The following SH2D4A variants were observed in gnomAD, a reference collection of about 807,000 sequenced individuals.
The protein encoded by SH2D4A is SH2 domain-containing protein 4A.
A neutral mutation model predicts 64.7 loss-of-function variants in SH2D4A; 70 were observed. The observed-to-expected ratio is 1.08, with a 90% CI of 0.89 to 1.32. The LOEUF (loss-of-function observed/expected upper bound fraction) is 1.32. Among genes scored for constraint, SH2D4A ranks in the 40% most tolerant of loss-of-function variants. SH2D4A has a pLI of 0.00. For synonymous variants in SH2D4A, 268 were observed against 200.7 expected, an observed-to-expected ratio of 1.34 and a Z score of -2.83; for missense variants, 706 against 540.1, an observed-to-expected ratio of 1.31 and a Z score of -3.04.
chr8:19,376,257 C>G (rs1800691822), intron 8 of SH2D4A, among the ~76,000 whole-genome samples: 6 of 152,158 alleles, frequency 3.9e-5, no homozygotes, highest in Non-Finnish European at 1.5e-5. Flanking sequence ...GTAGGAAGGC[C>G]TTCAACTGAC....
chr8:19,327,319 C>G (rs2052297690), intron 2 of SH2D4A, among the ~76,000 whole-genome samples: 1 of 152,186 alleles, frequency 6.6e-6, no homozygotes, highest in South Asian at 2.1e-4. Context: ...TCACTCACCT[C>G]TGATTAAAGA....
At chr8:19,347,450 G>C (rs1188197521) in intron 4 of SH2D4A, among the ~76,000 whole-genome samples, 1 of 152,218 alleles carries the variant, frequency 6.6e-6, no homozygotes, top group Non-Finnish European at 1.5e-5. Flanking sequence ...TCTGAATGCA[G>C]TGATGTCCCC....
chr8:19,355,559 T>G (rs77562305), intron 4 of SH2D4A, among the ~76,000 whole-genome samples: 5,646 of 152,330 alleles, frequency 0.037, 163 homozygotes, highest in South Asian at 0.1. Flanking sequence ...CATCTCATTT[T>G]CTTATCACTA....
intron 8 of SH2D4A, among the ~76,000 whole-genome samples, chr8:19,378,875 T>C (rs565357701): frequency 1.5e-4 from 20 of 136,060 alleles, no homozygotes; most frequent in Non-Finnish European, 2.8e-4. Flanking sequence ...GCAAATTCCA[T>C]CTCTACAAAA....
At position 19,395,886 on chromosome 8, in the gene SH2D4A, A is replaced by C. The variant is rs1361221225; in HGVS notation, c.*1244A>C. On this transcript the variant is annotated 3_prime_UTR_variant, in exon 10 of 10. Transcript: ENST00000265807. Reference sequence around the variant, plus strand: ...AATACAGTCGTTTATGTAATTACATAACCTGACACACAAGATCGACCCATT... The same window carrying C: ...AATACAGTCGTTTATGTAATTACATCACCTGACACACAAGATCGACCCATT... 1.3e-5 allele frequency: 2 copies of C among 152,188 alleles called. No individual in the cohort carries two copies. The highest frequency in any genetic ancestry group is 2.4e-5 in the African/African-American group (1 of 41,450). The allele number at this position is 152,188 out of a possible 1,614,324, so 9.4% of individuals were successfully genotyped here. A position where few individuals can be genotyped will look rare whatever the true frequency, so the allele number is the denominator to read the frequency against.
intron 5 of SH2D4A, among the ~76,000 whole-genome samples, chr8:19,358,755 C>A (rs1246063887): frequency 6.6e-6 from 1 of 152,170 alleles, no homozygotes. Context: ...GGTGGGGAGG[C>A]ATTCTAAGTG....
intron 8 of SH2D4A, among the ~76,000 whole-genome samples, chr8:19,384,000 G>T (rs2053342889): frequency 6.6e-6 from 1 of 152,174 alleles, no homozygotes; most frequent in South Asian, 2.1e-4. Flanking sequence ...GGTGGTGTTT[G>T]TTATTTTGGT....
At chr8:19,345,788 G>A (rs1308785307) in intron 4 of SH2D4A, among the ~76,000 whole-genome samples, 2 of 152,340 alleles carry the variant, frequency 1.3e-5, no homozygotes, top group East Asian at 1.9e-4. Flanking sequence ...TTATACCAGT[G>A]TAACCCAAGT....
chr8:19,372,844 CTT>C (rs796447159), intron 7 of SH2D4A, among the ~76,000 whole-genome samples: 6,197 of 140,894 alleles, frequency 0.044, 428 homozygotes, highest in African/African-American at 0.15. Flanking sequence ...TATTTCTTTA[CTT>C]TTTTTTTTTT....
chr8:19,351,203 G>A (rs144758433), intron 4 of SH2D4A, among the ~76,000 whole-genome samples: 1 of 152,182 alleles, frequency 6.6e-6, no homozygotes, highest in Non-Finnish European at 1.5e-5. Flanking sequence ...TAAAATTGCT[G>A]AGAAGAGGAT....
At chr8:19,342,436 G>C (rs926423116) in intron 4 of SH2D4A, among the ~76,000 whole-genome samples, 11 of 152,248 alleles carry the variant, frequency 7.2e-5, no homozygotes, top group African/African-American at 2.7e-4. Flanking sequence ...ATGGTAAGAG[G>C]ATAGCTGGGA....
intron 2 of SH2D4A, among the ~76,000 whole-genome samples, chr8:19,321,323 C>A (rs1057409066): frequency 2.6e-5 from 4 of 152,178 alleles, no homozygotes; most frequent in African/African-American, 9.7e-5. Flanking sequence ...AAGCAATTCT[C>A]CTGCCTCAGC....
rs1323334863 is a variant in SH2D4A, at chr8:19,364,276, C to T, written c.911C>T (p.Pro304Leu). Residue 304 changes from proline to leucine, a missense_variant, in exon 7 of 10, where the codon CCT (proline) becomes CTT (leucine). Pro to Leu is a moderately conservative substitution (Grantham distance 98). Transcript: ENST00000265807. ...FLNSGAYPQKPLRNQGVVRTL... is the reference protein window; with the variant it reads ...FLNSGAYPQKLLRNQGVVRTL... ...AACTCAGGGGCATATCCTCAAAAAC[C>T]TCTTAGGTAAGAAGCCACACAGATG... 1 of 1,614,092 alleles carries T rather than the reference C, an allele frequency of 6.2e-7. No individual in the cohort carries two copies. Among genetic ancestry groups the T allele is most frequent in the Non-Finnish European group, 8.5e-7 (1 of 1,179,970 alleles).
intron 7 of SH2D4A, among the ~76,000 whole-genome samples, chr8:19,364,598 C>A (rs759154696): frequency 1.3e-5 from 2 of 151,988 alleles, no homozygotes; most frequent in African/African-American, 2.4e-5. Context: ...CCCCTCCCCC[C>A]CAGAGGCAGC....
In SH2D4A at chr8:19,357,212, A is replaced by G. The variant is rs368993738; in HGVS notation, c.523A>G (p.Ser175Gly). 6.2e-7 allele frequency: 1 copy of G among 1,613,270 alleles called. No homozygotes were observed. Among genetic ancestry groups the G allele is most frequent in the Non-Finnish European group, 8.5e-7 (1 of 1,179,154 alleles). Residue 175 changes from serine to glycine, a missense_variant, in exon 5 of 10, where the codon AGT becomes GGT. By Grantham distance (56) the Ser-to-Gly change is moderately conservative. Transcript: ENST00000265807. ...TTCGTTTAATTTTTAGTCACTCTCC[A>G]GTTCTTCAAGAAATATTCAACAAAT... ...LEEEKIRSLS[S>G]SSRNIQQMLA...
chr8:19,314,690 A>T (rs2052056671), intron 1 of SH2D4A, among the ~76,000 whole-genome samples: 1 of 152,204 alleles, frequency 6.6e-6, no homozygotes, highest in African/African-American at 2.4e-5. Context: ...TTTAATAGAA[A>T]CAACGACTTG....
At chr8:19,376,246 C>T (rs553232206) in intron 8 of SH2D4A, among the ~76,000 whole-genome samples, 3 of 152,128 alleles carry the variant, frequency 2.0e-5, no homozygotes, top group Non-Finnish European at 2.9e-5. Flanking sequence ...CAGCCTTTGA[C>T]GTAGGAAGGC....
At chr8:19,386,857 G>A (rs2053402051) in intron 8 of SH2D4A, among the ~76,000 whole-genome samples, 1 of 152,230 alleles carries the variant, frequency 6.6e-6, no homozygotes, top group African/African-American at 2.4e-5. Context: ...ACAACTCACT[G>A]CAGCCTTGAC....
intron 6 of SH2D4A, among the ~76,000 whole-genome samples, chr8:19,363,107 C>T (rs2052922163): frequency 6.6e-6 from 1 of 151,968 alleles, no homozygotes; most frequent in Non-Finnish European, 1.5e-5. Flanking sequence ...TGGAGTTTCG[C>T]TCTTGTCACC....
Sources: gnomAD v4.1 joint callset for allele counts (sites outside exome capture counted in the v4.1 genomes callset) on GRCh38, gnomAD v4.1.1 for gene constraint, MANE v1.5 for transcripts, NCBI Gene and HGNC (gene_info 2026-07-23, HGNC 2026-07-21) for gene names.